The following SAMD3 variants were observed in gnomAD, a reference collection of about 807,000 sequenced individuals.
SAMD3 encodes the protein sterile alpha motif domain-containing protein 3.
In SAMD3, 63 loss-of-function variants were observed where a neutral mutation model predicts 58.5. That is an observed-to-expected ratio of 1.08 (90% CI 0.88 to 1.33). SAMD3 has a LOEUF of 1.33. Among genes scored for constraint, SAMD3 ranks in the 40% most tolerant of loss-of-function variants. The pLI is 0.00. For synonymous variants in SAMD3, 220 were observed against 210.3 expected (o/e 1.05, Z -0.40); for missense variants, 604 against 608.4 (o/e 0.99, Z 0.08).
At chr6:130,200,725 A>C (rs1286256451) in intron 5 of SAMD3, among the ~76,000 whole-genome samples, 2 of 152,060 alleles carry the variant, frequency 1.3e-5, no homozygotes, top group Non-Finnish European at 2.9e-5. Context: ...AATATAGAAA[A>C]CTGGGTCTTT....
At chr6:130,223,647 TG>T (rs1796300126), upstream of SAMD3, among the ~76,000 whole-genome samples, 1 of 152,144 alleles carries the variant, frequency 6.6e-6, no homozygotes, top group East Asian at 1.9e-4. Context: ...TAATGCAGTG[TG>T]ACTCAAAGTG....
At chr6:130,324,845 T>C (rs1022331084) in intron 1 of SAMD3, among the ~76,000 whole-genome samples, 5 of 152,074 alleles carry the variant, frequency 3.3e-5, no homozygotes, top group African/African-American at 1.2e-4. Context: ...CCTACTGGTC[T>C]GGGTTCAGCC....
chr6:130,215,816 G>A (rs1232611511), intron 2 of SAMD3: 3 of 1,534,816 alleles, frequency 2.0e-6, no homozygotes, highest in South Asian at 2.4e-5. Flanking sequence ...CTCCTGGCTA[G>A]GAGAAGGAGA....
chr6:130,317,222 A>G (rs144136876), intron 1 of SAMD3, among the ~76,000 whole-genome samples: 132 of 152,304 alleles, frequency 8.7e-4, no homozygotes, highest in African/African-American at 2.7e-3. Flanking sequence ...ATGGAGCCCA[A>G]CGCTTTCCTA....
intron 2 of SAMD3, among the ~76,000 whole-genome samples, chr6:130,286,793 C>A (rs1355213588): frequency 6.6e-6 from 1 of 152,170 alleles, no homozygotes; most frequent in Non-Finnish European, 1.5e-5. Flanking sequence ...CTCATTGCAA[C>A]CTCCACCTCT....
intron 1 of SAMD3, among the ~76,000 whole-genome samples, chr6:130,351,642 GT>G (rs200620531): frequency 0.012 from 1,892 of 152,280 alleles, 19 homozygotes; most frequent in Middle Eastern, 0.034. Context: ...CTGTGAACTA[GT>G]TCACCCATTG....
chr6:130,349,591 CAAA>C (rs951546350), intron 1 of SAMD3, among the ~76,000 whole-genome samples: 11 of 151,932 alleles, frequency 7.2e-5, no homozygotes, highest in African/African-American at 2.7e-4. Context: ...GCTTACCAAC[CAAA>C]AAAAGTCCAG....
At chr6:130,322,633 G>C (rs12111433) in intron 1 of SAMD3, among the ~76,000 whole-genome samples, 35,840 of 152,062 alleles carry the variant, frequency 0.24, 5,652 homozygotes, top group African/African-American at 0.45. Context: ...GAGTGAGACT[G>C]TCTCAAAAAA....
At chr6:130,252,740 G>A (rs1032305664) in intron 2 of SAMD3, among the ~76,000 whole-genome samples, 1 of 152,138 alleles carries the variant, frequency 6.6e-6, no homozygotes, top group African/African-American at 2.4e-5. Context: ...CAAAACAGCT[G>A]TCCACTGGTA....
At chr6:130,195,447 A>C (rs12196198) in intron 5 of SAMD3, among the ~76,000 whole-genome samples, 116,382 of 151,986 alleles carry the variant, frequency 0.77, 44,995 homozygotes, top group African/African-American at 0.85. Context: ...ATCCTAGAAC[A>C]AGACAAGCCT....
chr6:130,331,922 G>A (rs945323280), intron 1 of SAMD3, among the ~76,000 whole-genome samples: 1 of 152,200 alleles, frequency 6.6e-6, no homozygotes, highest in Non-Finnish European at 1.5e-5. Flanking sequence ...AGTAGGCTCT[G>A]CAATCATTAG....
chr6:130,345,193 C>A (rs1395636454), intron 1 of SAMD3, among the ~76,000 whole-genome samples: 3 of 152,116 alleles, frequency 2.0e-5, no homozygotes, highest in Non-Finnish European at 4.4e-5. Context: ...GTGGAAGAAG[C>A]CTGCGTAAGC....
At chr6:130,142,924 G>C (rs1036479671), downstream of SAMD3, 1 of 152,206 alleles carries the variant, frequency 6.6e-6, no homozygotes, top group African/African-American at 2.4e-5. Flanking sequence ...AGGAACTAAA[G>C]GTACATTCTA....
intron 8 of SAMD3, 96 bp downstream of exon 8, chr6:130,175,742 CTTA>C: frequency 2.5e-6 from 2 of 798,728 alleles, no homozygotes; most frequent in Non-Finnish European, 3.8e-6. Flanking sequence ...AAAAAGGTAT[CTTA>C]TTTTGTTTTA....
intron 1 of SAMD3, among the ~76,000 whole-genome samples, chr6:130,360,712 G>A (rs565368058): frequency 4.6e-5 from 7 of 152,272 alleles, no homozygotes; most frequent in Non-Finnish European, 7.4e-5. Context: ...TTTATTAGGC[G>A]TGAATTTCCT....
At chr6:130,143,485 C>G (rs1353147613), downstream of SAMD3, among the ~76,000 whole-genome samples, 1 of 152,184 alleles carries the variant, frequency 6.6e-6, no homozygotes, top group Non-Finnish European at 1.5e-5. Context: ...CTCAGGTGAT[C>G]TGCCCATCTT....
At chr6:130,174,479 T>C (rs1175822974) in intron 8 of SAMD3, among the ~76,000 whole-genome samples, 1 of 152,164 alleles carries the variant, frequency 6.6e-6, no homozygotes, top group Non-Finnish European at 1.5e-5. Context: ...GTTCATCCTC[T>C]GTGCATTGGA....
At chr6:130,247,809 T>A (rs997215212) in intron 2 of SAMD3, among the ~76,000 whole-genome samples, 6 of 152,184 alleles carry the variant, frequency 3.9e-5, no homozygotes, top group South Asian at 2.1e-4. Flanking sequence ...TAGATGAATG[T>A]TATTATTAGG....
At chr6:130,153,666 T>TATATATATATATATATATC (rs58896049) in intron 9 of SAMD3, among the ~76,000 whole-genome samples, 3 of 91,158 alleles carry the variant, frequency 3.3e-5, no homozygotes, top group Non-Finnish European at 6.9e-5. Flanking sequence ...ATATATATAT[T>TATATATATATATATATATC]TATTTATTTA....
Sources: allele counts gnomAD v4.1 joint callset (sites outside exome capture counted in the v4.1 genomes callset), GRCh38; gene constraint gnomAD v4.1.1; transcripts MANE v1.5; gene names NCBI Gene and HGNC (gene_info 2026-07-23, HGNC 2026-07-21).